The following TARBP1 variants were observed in gnomAD, a reference collection of about 807,000 sequenced individuals.
The protein encoded by TARBP1 is tRNA guanosine 2 -O-methyltransferase TARBP1.
TARBP1 carries 144 observed loss-of-function variants against 178.6 expected under a neutral mutation model. That is an observed-to-expected ratio of 0.81 (90% CI 0.70 to 0.93). TARBP1 has a LOEUF of 0.93. Ranked by LOEUF, TARBP1 falls within the 40% of genes least tolerant of loss-of-function variation. The pLI, the probability that TARBP1 is intolerant of heterozygous loss-of-function variation, is 0.00. For synonymous variants in TARBP1, 787 were observed against 781.0 expected, an observed-to-expected ratio of 1.01 and a Z score of -0.13; for missense variants, 2,067 against 2,011.7, an observed-to-expected ratio of 1.03 and a Z score of -0.53.
chr1:234,417,788 T>C (rs1428817967), intron 22 of TARBP1, among the ~76,000 whole-genome samples: 3 of 152,304 alleles, frequency 2.0e-5, no homozygotes, highest in East Asian at 1.9e-4. Flanking sequence ...AACAAAGACA[T>C]TGCTTGGTAA....
At chr1:234,420,132 G>A (rs1393487648) in intron 21 of TARBP1, among the ~76,000 whole-genome samples, 1 of 152,190 alleles carries the variant, frequency 6.6e-6, no homozygotes, top group Non-Finnish European at 1.5e-5. Flanking sequence ...AGAAAAATCA[G>A]ATCGTCCATT....
chr1:234,437,384 C>A lies in TARBP1; in HGVS notation c.2135-12G>T, dbSNP rs1246052963. ...AGTAGACACCTCATCTGTATGGGGG[C>A]AAAAAGCATGCAACTAAAATGACAG... On this transcript the variant is annotated splice_polypyrimidine_tract_variant and intron_variant, in intron 12 of 29. Coordinates refer to ENST00000040877, the MANE Select transcript of TARBP1 (RefSeq NM_005646.4). The A allele has an allele frequency of 4.3e-6, 6 of 1,400,986 alleles. No homozygotes were observed. The Admixed American group carries it at 1.1e-4, about 25-fold the overall frequency. 86.8% of individuals were successfully genotyped at this position (1,400,986 alleles called of 1,614,324 possible). A position where few individuals can be genotyped will look rare whatever the true frequency, so the allele number is the denominator to read the frequency against.
rs781223451 is a variant in TARBP1 at position 234,420,713 on chromosome 1, T to C, written c.3544A>G (p.Arg1182Gly). The C allele has an allele frequency of 1.0e-5, 16 of 1,606,890 alleles. No homozygotes were observed. In the South Asian group the frequency reaches 1.0e-4, roughly 10 times the overall value. ...VWQTLLVLFP[R>G]LDQNFLNGII... The stretch of plus-strand genomic sequence containing the variant: ...TAAAAATATGATACCTGGTCAAGTC[T>C]AGGGAAAAGTACCAGCAGAGTCTGC... Residue 1182 changes from arginine (R) to glycine (G), a missense_variant, in exon 21 of 30, where the codon AGA becomes GGA. Coordinates refer to ENST00000040877, the MANE Select transcript of TARBP1 (RefSeq NM_005646.4).
Position 234,471,231 on chromosome 1 carries a change from T to TA in TARBP1, c.1055_1056insT (p.Leu354AlafsTer6). ...CATATTCAAACAGATTGTTTAGCTT[T>TA]GGTAAAACTGGCTTTATAACATGTA... On this transcript the variant is annotated frameshift_variant, in exon 3 of 30. Transcript: ENST00000040877. LOFTEE classifies it high-confidence loss of function. The TA allele has an allele frequency of 6.3e-7, 1 of 1,599,688 alleles. No homozygotes were observed. The highest frequency in any genetic ancestry group is 1.8e-5 in the Admixed American group (1 of 55,674).
chr1:234,391,615 T>C lies in TARBP1; in HGVS notation c.4828A>G (p.Arg1610Gly), dbSNP rs1572180314. 6.2e-7 allele frequency: 1 copy of C among 1,613,490 alleles called. No homozygotes were observed. Among genetic ancestry groups the C allele is most frequent in the Middle Eastern group, 1.8e-4 (1 of 5,708 alleles). Residue 1610 changes from arginine to glycine, a missense_variant, in exon 30 of 30, where the codon AGG (arginine) becomes GGG (glycine). Physicochemically the swap from Arg to Gly is moderately radical, Grantham distance 125 (BLOSUM62 -2). Coordinates refer to ENST00000040877, the MANE Select transcript of TARBP1 (RefSeq NM_005646.4). The stretch of plus-strand genomic sequence containing the variant: ...TCTCCGTGCGAGAGCAGCTGCTGCC[T>C]GGTGTACTCCCAGATCAGCAGGGCT... ...SGALLIWEYT[R>G]QQLLSHGDTK...
intron 29 of TARBP1, 64 bp from the exon 30 acceptor site, chr1:234,391,809 CT>C: frequency 6.7e-7 from 1 of 1,497,062 alleles, no homozygotes. Context: ...CTTTGATATT[CT>C]TTTTATTTTT....
At chr1:234,407,948 C>G (rs1661428444) in intron 23 of TARBP1, 1 of 152,024 alleles carries the variant, frequency 6.6e-6, no homozygotes, top group Non-Finnish European at 1.5e-5. Context: ...GATCTTGGAG[C>G]TAGGTATACA....
chr1:234,415,211 A>C (rs1662289276), intron 22 of TARBP1, among the ~76,000 whole-genome samples: 1 of 152,152 alleles, frequency 6.6e-6, no homozygotes, highest in Non-Finnish European at 1.5e-5. Context: ...AGACAGGCTG[A>C]TAGCAACAAA....
At chr1:234,409,599 T>C (rs1262512407) in intron 23 of TARBP1, among the ~76,000 whole-genome samples, 2 of 152,184 alleles carry the variant, frequency 1.3e-5, no homozygotes, top group African/African-American at 4.8e-5. Flanking sequence ...AATTTAAAAG[T>C]GTTATCATGA....
At chr1:234,465,956 T>C (rs1247186446) in intron 4 of TARBP1, among the ~76,000 whole-genome samples, 1 of 152,098 alleles carries the variant, frequency 6.6e-6, no homozygotes, top group Non-Finnish European at 1.5e-5. Context: ...AAAAGAGAGT[T>C]CATGTGTTGG....
intron 23 of TARBP1, chr1:234,408,096 C>T (rs997634599): frequency 1.3e-5 from 2 of 152,174 alleles, no homozygotes; most frequent in African/African-American, 4.8e-5. Context: ...TGCTTTCATA[C>T]ATATCAGTGT....
chr1:234,418,537 G>GT (rs1328194774), intron 21 of TARBP1, among the ~76,000 whole-genome samples: 1 of 152,230 alleles, frequency 6.6e-6, no homozygotes, highest in Non-Finnish European at 1.5e-5. Flanking sequence ...CACATACCTA[G>GT]TAAGTGGAAG....
intron 10 of TARBP1, among the ~76,000 whole-genome samples, chr1:234,449,996 T>C (rs930020597): frequency 1.3e-5 from 2 of 152,208 alleles, no homozygotes; most frequent in African/African-American, 4.8e-5. Flanking sequence ...ACAGCCTTTG[T>C]TTAAAATTGT....
chr1:234,466,567 AAAG>A (rs71576428), intron 4 of TARBP1, among the ~76,000 whole-genome samples: 29 of 150,956 alleles, frequency 1.9e-4, no homozygotes, highest in Middle Eastern at 3.4e-3. Context: ...TTCTTTTAAA[AAAG>A]AAGAAGAAGA....
At chr1:234,425,879 G>A (rs535839573) in intron 19 of TARBP1, 86 bp from the exon 20 acceptor site, 23 of 1,098,466 alleles carry the variant, frequency 2.1e-5, no homozygotes, top group African/African-American at 8.0e-5. Context: ...ATCATTACAC[G>A]ATCAAAACCT....
intron 20 of TARBP1, among the ~76,000 whole-genome samples, chr1:234,423,519 G>C (rs1438825635): frequency 2.6e-5 from 4 of 152,066 alleles, no homozygotes; most frequent in Non-Finnish European, 2.9e-5. Context: ...ATTTTCTTCT[G>C]AACTGTTTCT....
At position 234,397,760 on chromosome 1, in the gene TARBP1, G is replaced by GGGA. The variant is rs1660233812; in HGVS notation, c.4243+621_4243+622insTCC. On this transcript the variant is annotated intron_variant, in intron 26 of 29. Coordinates refer to ENST00000040877, the MANE Select transcript of TARBP1 (RefSeq NM_005646.4). ...GGGAGAAGAGGGGGGAGGGGGAAGA[G>GGGA]GGGGAGGAGGGGGAGGAGGCGGGGG... 8.6e-3 allele frequency among the ~76,000 whole-genome samples: 3 copies of GGGA among 348 alleles called. 1 individual carries two copies. The highest frequency in any genetic ancestry group is 0.11 in the East Asian group (2 of 18). 0.2% of individuals were successfully genotyped at this position (348 alleles called of 152,430 possible).
intron 13 of TARBP1, among the ~76,000 whole-genome samples, chr1:234,433,894 A>G (rs143603260): frequency 0.023 from 3,572 of 152,358 alleles, 57 homozygotes; most frequent in South Asian, 0.062. Flanking sequence ...CTAGTACATC[A>G]TAAATAATAA....
rs1024691302 is a variant in TARBP1, at chr1:234,478,629, G to A, written c.475C>T (p.Leu159=). The change falls in exon 1 of 30, where the codon CTA becomes TTA. Residue 159 remains leucine, a synonymous_variant. Transcript: ENST00000040877. ...GCGGTCCCCGCCACGCGCTCCAGTA[G>A]CGGCCCGTCCTCGCGGGGCCGCAAA... ...PCLRPREDGP[L]LERVAGTAVA... The A allele has an allele frequency of 7.7e-7, 1 of 1,301,364 alleles. No individual in the cohort carries two copies. Among genetic ancestry groups the A allele is most frequent in the Non-Finnish European group, 9.8e-7 (1 of 1,024,842 alleles). 80.6% of individuals were successfully genotyped at this position (1,301,364 alleles called of 1,614,324 possible). A position where few individuals can be genotyped will look rare whatever the true frequency, so the allele number is the denominator to read the frequency against.
Sources: gnomAD v4.1 joint callset for allele counts (sites outside exome capture counted in the v4.1 genomes callset) on GRCh38, gnomAD v4.1.1 for gene constraint, MANE v1.5 for transcripts, NCBI Gene and HGNC (gene_info 2026-07-23, HGNC 2026-07-21) for gene names.